Variants in PGAP1 observed in about 807,000 individuals in gnomAD.
The protein encoded by PGAP1 is GPI inositol-deacylase.
In PGAP1, 76 loss-of-function variants were observed where a neutral mutation model predicts 127.0. That is an observed-to-expected ratio of 0.60 (90% CI 0.50 to 0.72). PGAP1 has a LOEUF of 0.72. Ranked by LOEUF, PGAP1 falls within the 30% of genes least tolerant of loss-of-function variation. The pLI is 0.00. For synonymous variants in PGAP1, 362 were observed against 366.5 expected, an observed-to-expected ratio of 0.99 and a Z score of 0.14; for missense variants, 982 against 1,071.3, an observed-to-expected ratio of 0.92 and a Z score of 1.16.
At chr2:196,877,821 A>G (rs1015142771) in intron 13 of PGAP1, among the ~76,000 whole-genome samples, 2 of 152,166 alleles carry the variant, frequency 1.3e-5, no homozygotes, top group Non-Finnish European at 2.9e-5. Flanking sequence ...TGCAGTAGTC[A>G]CTGAAGGTTG....
chr2:196,923,575 C>T lies in PGAP1; in HGVS notation c.147+2895G>A, dbSNP rs567682829. On this transcript the variant is annotated intron_variant, in intron 1 of 26. Coordinates refer to ENST00000354764, the MANE Select transcript of PGAP1 (RefSeq NM_024989.4). ...ACCTACACCAAGTAGCTAGATATAC[C>T]TGGCAAAGACTAGTCATTCAATAAA... Among the ~76,000 whole-genome samples, 12 of 152,224 alleles carry T rather than the reference C, an allele frequency of 7.9e-5. No homozygotes were observed. In the South Asian group the frequency reaches 2.5e-3, roughly 32 times the overall value.
Position 196,880,102 on chromosome 2 carries a change from AAAC to A in PGAP1, c.1321_1323del (p.Val441del). On this transcript the variant is annotated inframe_deletion, in exon 13 of 27. Coordinates refer to ENST00000354764, the MANE Select transcript of PGAP1 (RefSeq NM_024989.4). ...TTACTTCCACGAACAGATGGTACAT[AAAC>A]AACAAGATGAGACAAAGATGGATAG... The A allele has an allele frequency of 5.0e-6, 8 of 1,602,804 alleles. No individual in the cohort carries two copies. The highest frequency in any genetic ancestry group is 5.1e-6 in the Non-Finnish European group (6 of 1,173,618).
rs1700488693 is a variant in PGAP1 at position 196,844,016 on chromosome 2, T to G, written c.2397A>C (p.Ile799=). 1 of 1,605,548 alleles carries G rather than the reference T, an allele frequency of 6.2e-7. No individual in the cohort carries two copies. Among genetic ancestry groups the G allele is most frequent in the African/African-American group, 1.3e-5 (1 of 74,956 alleles). ...CGTTGGCAGATAAACGAAGATGGTG[T>G]ATTGAGGAGTCTTTATGATGATTGG... ...KKSNHHKDSS[I]HHLRLSANDA... The change falls in exon 25 of 27, where the codon ATA becomes ATC. Residue 799 remains isoleucine (I), a synonymous_variant. Coordinates refer to ENST00000354764, the MANE Select transcript of PGAP1 (RefSeq NM_024989.4).
rs1255020443 is a variant in PGAP1, at chr2:196,840,539, G to A, written c.*695C>T. On this transcript the variant is annotated 3_prime_UTR_variant, in exon 27 of 27. Transcript: ENST00000354764. ...CTTTAATAGTCTCCTGATGTTCACC[G>A]AGAATATATAGTAAGATTCATATTT... The A allele has an allele frequency of 2.6e-5, 4 of 151,722 alleles. No homozygotes were observed. Among genetic ancestry groups the A allele is most frequent in the Admixed American group, 1.3e-4 (2 of 15,226 alleles). 9.4% of individuals were successfully genotyped at this position (151,722 alleles called of 1,614,324 possible).
At chr2:196,874,680 G>C (rs1007201281) in intron 14 of PGAP1, among the ~76,000 whole-genome samples, 2 of 152,130 alleles carry the variant, frequency 1.3e-5, no homozygotes, top group Non-Finnish European at 2.9e-5. Context: ...CATTGCTTCT[G>C]TGGTATTTTG....
chr2:196,860,258 G>A (rs893006711), intron 20 of PGAP1, among the ~76,000 whole-genome samples: 16 of 152,082 alleles, frequency 1.1e-4, no homozygotes, highest in East Asian at 7.7e-4. Context: ...AGGGCTGGGC[G>A]CAGTGGCTCA....
chr2:196,926,332 G>T, intron 1 of PGAP1, 138 bp downstream of exon 1: 1 of 1,321,280 alleles, frequency 7.6e-7, no homozygotes, highest in Non-Finnish European at 1.0e-6. Context: ...GTCTCCCCGG[G>T]CGGAGAAAAC....
chr2:196,854,725 A>C (rs1272087860), intron 20 of PGAP1, among the ~76,000 whole-genome samples: 1 of 152,186 alleles, frequency 6.6e-6, no homozygotes, highest in Admixed American at 6.5e-5. Context: ...AGCATTTGCA[A>C]TCAGCTGTAT....
At chr2:196,859,011 T>A (rs1159925527) in intron 20 of PGAP1, among the ~76,000 whole-genome samples, 1 of 151,630 alleles carries the variant, frequency 6.6e-6, no homozygotes, top group Non-Finnish European at 1.5e-5. Flanking sequence ...GAAAAAAAAA[T>A]AGGAAACCTG....
chr2:196,924,410 G>A (rs1013939607), intron 1 of PGAP1, among the ~76,000 whole-genome samples: 1 of 152,090 alleles, frequency 6.6e-6, no homozygotes, highest in Non-Finnish European at 1.5e-5. Flanking sequence ...AAAGCCATTT[G>A]GTTCTCAACA....
At chr2:196,885,392 C>A in intron 12 of PGAP1, 32 bp downstream of exon 12, 1 of 1,498,564 alleles carries the variant, frequency 6.7e-7, no homozygotes, top group Non-Finnish European at 9.2e-7. Flanking sequence ...TTTTTTTCAA[C>A]TGAATATTAA....
rs375452864 is a variant in PGAP1 at position 196,842,706 on chromosome 2, A to G, written c.2630+15T>C. 335 of 1,373,220 alleles carry G rather than the reference A, an allele frequency of 2.4e-4. 1 individual carries two copies. Among genetic ancestry groups the G allele is most frequent in the Admixed American group, 1.7e-3 (79 of 46,848 alleles). The allele number at this position is 1,373,220 out of a possible 1,614,324, so 85.1% of individuals were successfully genotyped here. ...AAGAACAGATATAAGAAAAAGAAAG[A>G]TTAAACTACTGTACCTTGATTTTAT... On this transcript the variant is annotated intron_variant, in intron 26 of 26. Transcript: ENST00000354764.
intron 16 of PGAP1, among the ~76,000 whole-genome samples, chr2:196,873,244 G>A (rs1048754025): frequency 1.3e-5 from 2 of 151,770 alleles, no homozygotes; most frequent in African/African-American, 4.8e-5. Context: ...TTAAGAAAGT[G>A]GAAAAATACT....
In PGAP1 at chr2:196,872,449, G is replaced by A. The variant is rs775104259; in HGVS notation, c.1720C>T (p.Arg574Trp). The A allele has an allele frequency of 1.8e-5, 29 of 1,597,870 alleles. No individual in the cohort carries two copies. The highest frequency in any genetic ancestry group is 4.5e-5 in the East Asian group (2 of 44,778). ...LFKMYTSSDC[R>W]YEVTVKTSFS... Reference sequence around the variant, plus strand: ...TCAAACATACAACTTACCTCGTACCGACAGTCTGATGACGTGTACATTTTA... The same window carrying A: ...TCAAACATACAACTTACCTCGTACCAACAGTCTGATGACGTGTACATTTTA... The change falls in exon 18 of 27, where the codon CGG becomes TGG. Residue 574 changes from arginine to tryptophan, a missense_variant. Coordinates refer to ENST00000354764, the MANE Select transcript of PGAP1 (RefSeq NM_024989.4).
chr2:196,890,984 T>C (rs931016478), intron 9 of PGAP1, 73 bp from the exon 10 acceptor site: 61 of 747,036 alleles, frequency 8.2e-5, no homozygotes, highest in South Asian at 6.5e-5. Flanking sequence ...AATCCAGATA[T>C]AGCAAATGAG....
In PGAP1 at chr2:196,897,289, T is replaced by C. The variant is rs10497799; in HGVS notation, c.861-92A>G. On this transcript the variant is annotated intron_variant, in intron 6 of 26. Transcript: ENST00000354764. ...ACAATTCTATTGTTTAGTGGAACAT[T>C]TGAGTTTCCTTTAGTGCTCTAAACT... is the stretch of plus-strand genomic sequence containing the variant. 0.088 allele frequency: 60,946 copies of C among 696,404 alleles called. 3,621 individuals carry two copies. Among genetic ancestry groups the C allele is most frequent in the African/African-American group, 0.23 (12,405 of 52,850 alleles). The allele number at this position is 696,404 out of a possible 1,614,324, so 43.1% of individuals were successfully genotyped here. A position where few individuals can be genotyped will look rare whatever the true frequency, so the allele number is the denominator to read the frequency against.
intron 14 of PGAP1, 109 bp from the exon 15 acceptor site, chr2:196,873,867 C>T: frequency 1.4e-6 from 1 of 726,634 alleles, no homozygotes; most frequent in Non-Finnish European, 2.3e-6. Context: ...AATTTATTTA[C>T]AGGTTTTCAC....
chr2:196,890,997 A>G, intron 9 of PGAP1, 86 bp from the exon 10 acceptor site: 1 of 673,546 alleles, frequency 1.5e-6, no homozygotes, highest in Non-Finnish European at 2.7e-6. Context: ...CAAATGAGTA[A>G]TTATTCTAAT....
At chr2:196,850,650 A>G (rs1700691591) in intron 20 of PGAP1, among the ~76,000 whole-genome samples, 1 of 151,344 alleles carries the variant, frequency 6.6e-6, no homozygotes. Context: ...GGAAGGAAGG[A>G]GGGAAGGAGG....
Sources: allele counts gnomAD v4.1 joint callset (sites outside exome capture counted in the v4.1 genomes callset), GRCh38; gene constraint gnomAD v4.1.1; transcripts MANE v1.5; gene names NCBI Gene and HGNC (gene_info 2026-07-23, HGNC 2026-07-21).